The following FAM120B variants were observed in gnomAD, a reference collection of about 807,000 sequenced individuals.
FAM120B encodes the protein constitutive coactivator of peroxisome proliferator-activated receptor gamma.
A neutral mutation model predicts 96.3 loss-of-function variants in FAM120B; 83 were observed. The observed-to-expected ratio is 0.86, with a 90% CI of 0.72 to 1.03. FAM120B has a LOEUF of 1.03. FAM120B is among the 50% of genes least tolerant of loss of function. The pLI is 0.00. For synonymous variants in FAM120B, 407 were observed against 402.7 expected (o/e 1.01, Z -0.13); for missense variants, 1,027 against 1,121.2 (o/e 0.92, Z 1.20).
chr6:170,305,586 C>T (rs1784252847), upstream of FAM120B, among the ~76,000 whole-genome samples: 2 of 152,222 alleles, frequency 1.3e-5, no homozygotes, highest in African/African-American at 4.8e-5. Flanking sequence ...ATTAGCTCAC[C>T]AGGGCTTATA....
intron 1 of FAM120B, among the ~76,000 whole-genome samples, chr6:170,300,743 T>C (rs1274112736): frequency 6.6e-6 from 1 of 152,214 alleles, no homozygotes; most frequent in Non-Finnish European, 1.5e-5. Context: ...ACAGGCCCCA[T>C]GCAAGTCCAA....
chr6:170,360,648 A>G lies in FAM120B; in HGVS notation c.2283+2330A>G, dbSNP rs191021094. 7.9e-5 allele frequency among the ~76,000 whole-genome samples: 12 copies of G among 152,242 alleles called. 1 individual carries two copies. The East Asian group carries it at 2.1e-3, about 27-fold the overall frequency. On this transcript the variant is annotated intron_variant, in intron 6 of 10. Transcript: ENST00000476287. The stretch of plus-strand genomic sequence containing the variant: ...CCCATGCTTCTAGTTCTGTTCTGTT[A>G]GAAGTGGGACCTGTGCCAATTATTA...
intron 4 of FAM120B, among the ~76,000 whole-genome samples, chr6:170,335,104 G>A (rs1009829209): frequency 6.6e-6 from 1 of 150,628 alleles, no homozygotes; most frequent in Non-Finnish European, 1.5e-5. Context: ...GATTGTTACA[G>A]AGGTATACAT....
At chr6:170,369,310 G>A (rs1562575118) in intron 6 of FAM120B, among the ~76,000 whole-genome samples, 1 of 152,202 alleles carries the variant, frequency 6.6e-6, no homozygotes, top group Non-Finnish European at 1.5e-5. Flanking sequence ...ACCTAGGAAA[G>A]GACTTTGAGA....
intron 2 of FAM120B, among the ~76,000 whole-genome samples, chr6:170,320,071 G>A (rs1406595747): frequency 1.3e-5 from 2 of 152,228 alleles, no homozygotes; most frequent in African/African-American, 2.4e-5. Context: ...TTGTTTTACA[G>A]AAGAGGTCTG....
intron 3 of FAM120B, among the ~76,000 whole-genome samples, chr6:170,329,656 G>A: frequency 6.6e-6 from 1 of 151,614 alleles, no homozygotes. Context: ...GCGAATCTCT[G>A]TTGTCTCAGT....
intron 1 of FAM120B, among the ~76,000 whole-genome samples, chr6:170,307,724 G>A (rs1013084293): frequency 6.6e-6 from 1 of 152,180 alleles, no homozygotes; most frequent in Non-Finnish European, 1.5e-5. Flanking sequence ...AGATCTTAGC[G>A]TTAAAGAGAT....
At chr6:170,330,996 C>G (rs1785992881) in intron 4 of FAM120B, among the ~76,000 whole-genome samples, 1 of 152,166 alleles carries the variant, frequency 6.6e-6, no homozygotes. Context: ...TTGATGAGTT[C>G]TGGCACCAGA....
At chr6:170,326,895 C>T (rs1201026820) in intron 3 of FAM120B, among the ~76,000 whole-genome samples, 2 of 152,118 alleles carry the variant, frequency 1.3e-5, no homozygotes. Context: ...TGCGCCACCA[C>T]ACCCGGCTAA....
rs1444857344 is a variant in FAM120B, at chr6:170,370,779, C to T, written c.2283+12461C>T. ...TTTTAAACTTGGTTTCTTCCTGTAG[C>T]TTTACATGTATAAATACAATTATTC... On this transcript the variant is annotated intron_variant, in intron 6 of 10. Coordinates refer to ENST00000476287, the MANE Select transcript of FAM120B (RefSeq NM_032448.3). The surrounding 1 kb of genome is among the most constrained non-coding windows in gnomAD (Gnocchi z 4.3). Among the ~76,000 whole-genome samples the T allele has an allele frequency of 2.6e-5, 4 of 152,124 alleles. No homozygotes were observed. Among genetic ancestry groups the T allele is most frequent in the Admixed American group, 6.5e-5 (1 of 15,278 alleles).
chr6:170,348,640 G>A (rs758001213), intron 5 of FAM120B, among the ~76,000 whole-genome samples: 3 of 152,160 alleles, frequency 2.0e-5, no homozygotes, highest in South Asian at 2.1e-4. Flanking sequence ...CTCTGTCCTC[G>A]TGGCATTGTT....
chr6:170,310,394 C>T (rs1784524533), intron 1 of FAM120B, among the ~76,000 whole-genome samples: 1 of 152,238 alleles, frequency 6.6e-6, no homozygotes, highest in Admixed American at 6.5e-5. Flanking sequence ...AAACATCCCA[C>T]AGGGTGGCTC....
intron 1 of FAM120B, among the ~76,000 whole-genome samples, chr6:170,301,418 C>T (rs1320656649): frequency 6.6e-6 from 1 of 152,246 alleles, no homozygotes; most frequent in East Asian, 1.9e-4. Context: ...GCCTCTAGGC[C>T]TGTAATGGGA....
intron 6 of FAM120B, among the ~76,000 whole-genome samples, chr6:170,360,999 G>T (rs906446532): frequency 4.0e-5 from 6 of 151,782 alleles, no homozygotes; most frequent in Non-Finnish European, 7.4e-5. Context: ...TTGGGAGTTC[G>T]CAGTGGCTTT....
At chr6:170,293,422 A>C (rs951173298), upstream of FAM120B, among the ~76,000 whole-genome samples, 2 of 152,122 alleles carry the variant, frequency 1.3e-5, no homozygotes, top group African/African-American at 4.8e-5. Context: ...CCTTGGGGGG[A>C]AAAAGACTTG....
At chr6:170,375,178 T>C (rs1033929705) in intron 6 of FAM120B, among the ~76,000 whole-genome samples, 1 of 152,250 alleles carries the variant, frequency 6.6e-6, no homozygotes, top group East Asian at 1.9e-4. Flanking sequence ...AATCTGTGGT[T>C]GTTGCTGTAA....
intron 6 of FAM120B, among the ~76,000 whole-genome samples, chr6:170,369,689 GT>G (rs556518944): frequency 0.016 from 2,175 of 133,602 alleles, 40 homozygotes; most frequent in African/African-American, 0.051. Flanking sequence ...ACTTAGGGTA[GT>G]TTTTTTTTTT....
intron 2 of FAM120B, among the ~76,000 whole-genome samples, chr6:170,321,093 G>T (rs142747766): frequency 6.6e-6 from 1 of 152,184 alleles, no homozygotes; most frequent in Non-Finnish European, 1.5e-5. Context: ...GGAAGGGAGT[G>T]CCTGGGCAAA....
At chr6:170,320,581 AAAG>A (rs777573243) in intron 2 of FAM120B, among the ~76,000 whole-genome samples, 8 of 152,356 alleles carry the variant, frequency 5.3e-5, no homozygotes, top group Non-Finnish European at 8.8e-5. Context: ...GTGTTAATCT[AAAG>A]AAGAAGGAGG....
Sources: allele counts gnomAD v4.1 joint callset (sites outside exome capture counted in the v4.1 genomes callset), GRCh38; gene constraint gnomAD v4.1.1; non-coding constraint Gnocchi (gnomAD v3.1); transcripts MANE v1.5; gene names NCBI Gene and HGNC (gene_info 2026-07-23, HGNC 2026-07-21).